BRPF1: variants seen among roughly 807,000 people sequenced by gnomAD.
BRPF1 encodes bromodomain and PHD finger containing 1.
In BRPF1, 15 loss-of-function variants were observed where a neutral mutation model predicts 115.0. The observed-to-expected ratio is 0.13, with a 90% confidence interval of 0.09 to 0.20. The LOEUF is 0.20. BRPF1 is among the 10% of genes least tolerant of loss of function. The pLI, the probability that BRPF1 is intolerant of heterozygous loss-of-function variation, is 1.00. For synonymous variants in BRPF1, 647 were observed against 619.8 expected (o/e 1.04, Z -0.65); for missense variants, 1,118 against 1,638.3 (o/e 0.68, Z 5.48).
In BRPF1 at chr3:9,745,707, G is replaced by A. The variant is rs752382054; in HGVS notation, c.3203G>A (p.Ser1068Asn). 6.2e-7 allele frequency: 1 copy of A among 1,614,046 alleles called. No homozygotes were observed. The highest frequency in any genetic ancestry group is 8.5e-7 in the Non-Finnish European group (1 of 1,179,860). The change falls in exon 11 of 14, where the codon AGC (serine) becomes AAC (asparagine). Residue 1068 changes from serine to asparagine, a missense_variant and splice_region_variant. Physicochemically the swap from Ser to Asn is conservative, Grantham distance 46 (BLOSUM62 1). Coordinates refer to ENST00000383829, the MANE Select transcript of BRPF1 (RefSeq NM_001003694.2). The surrounding 1 kb of genome is among the most constrained non-coding windows in gnomAD (Gnocchi z 5.1). ...SVGTGRGVGH[S>N]MVRKSLGRGA... ...GGCACTGGCCGCGGCGTGGGCCACA[G>A]CAGTAAGTTCCCTTGCCCAAGGCCA...
Position 9,741,289 on chromosome 3 carries a change from C to A in BRPF1, c.1723-19C>A. The A allele has an allele frequency of 6.5e-7, 1 of 1,547,168 alleles. No homozygotes were observed. On this transcript the variant is annotated intron_variant, in intron 4 of 13. Coordinates refer to ENST00000383829, the MANE Select transcript of BRPF1 (RefSeq NM_001003694.2). ...TCTGGCTTTCTAATCATCCTCTGAT[C>A]TTCGTTTTGCCTCTACAGAGAGATT...
rs1270239730 is a variant in BRPF1 at position 9,743,537 on chromosome 3, CT to C, written c.2312-40del. 4 of 1,580,076 alleles carry C rather than the reference CT, an allele frequency of 2.5e-6. No homozygotes were observed. Among genetic ancestry groups the C allele is most frequent in the Non-Finnish European group, 3.4e-6 (4 of 1,160,846 alleles). ...GCCCAGGTTCAAGGGGCCCTGAGGG[CT>C]GCCCTGAGTCTGACCTTTCCCCTCC... On this transcript the variant is annotated intron_variant, in intron 7 of 13. Transcript: ENST00000383829. The surrounding 1 kb of genome is among the most constrained non-coding windows in gnomAD (Gnocchi z 6.1).
rs2077078252 is a variant in BRPF1 at position 9,744,000 on chromosome 3, A to G, written c.2635+99A>G. The stretch of plus-strand genomic sequence containing the variant: ...CATTCCCCAGGCAGAGGTCCCTCCT[A>G]CACAGCTAGCTGTACTTTCTCCCTC... On this transcript the variant is annotated intron_variant, in intron 8 of 13. Coordinates refer to ENST00000383829, the MANE Select transcript of BRPF1 (RefSeq NM_001003694.2). This position sits in a 1 kb window ranked among gnomAD's most constrained non-coding sequence, Gnocchi z 6.1. 2.1e-6 allele frequency: 3 copies of G among 1,399,500 alleles called. No individual in the cohort carries two copies. 86.7% of individuals were successfully genotyped at this position (1,399,500 alleles called of 1,614,324 possible).
At chr3:9,735,056 T>A (rs2076917870) in intron 2 of BRPF1, among the ~76,000 whole-genome samples, 1 of 142,254 alleles carries the variant, frequency 7.0e-6, no homozygotes, top group Non-Finnish European at 1.5e-5. Flanking sequence ...AGGGCCTGGC[T>A]CTGTCACCCT....
chr3:9,746,246 A>G, intron 12 of BRPF1, 54 bp from the exon 13 acceptor site: 7 of 1,491,656 alleles, frequency 4.7e-6, no homozygotes, highest in Non-Finnish European at 6.3e-6. Context: ...TTGAGGAGGA[A>G]AAGCCTTGGG....
In BRPF1 at chr3:9,743,928, CCAAAGCAAGT is replaced by C. The variant is rs768462072; in HGVS notation, c.2635+30_2635+39del. ...TCTGAATCCCATGGCAAGGTGGACC[CCAAAGCAAGT>C]CAGACTTTGGCTCTGCAGCACACAC... On this transcript the variant is annotated intron_variant, in intron 8 of 13. Transcript: ENST00000383829. This position sits in a 1 kb window ranked among gnomAD's most constrained non-coding sequence, Gnocchi z 6.1. The C allele has an allele frequency of 1.9e-6, 3 of 1,540,188 alleles. No individual in the cohort carries two copies. The highest frequency in any genetic ancestry group is 2.6e-6 in the Non-Finnish European group (3 of 1,140,250).
At position 9,745,524 on chromosome 3, in the gene BRPF1, C is replaced by G; in HGVS notation, c.3069-49C>G. 6 of 1,595,374 alleles carry G rather than the reference C, an allele frequency of 3.8e-6. No individual in the cohort carries two copies. In the South Asian group the frequency reaches 4.4e-5, roughly 12 times the overall value. On this transcript the variant is annotated intron_variant, in intron 10 of 13. Transcript: ENST00000383829. This position sits in a 1 kb window ranked among gnomAD's most constrained non-coding sequence, Gnocchi z 5.1. ...AGCTGAGGGCACATACCATGCTGTTCCCCATTCTTCCCCTCCTTTGAGCTG... is the reference window on the plus strand; with the variant it reads ...AGCTGAGGGCACATACCATGCTGTTGCCCATTCTTCCCCTCCTTTGAGCTG...
Position 9,742,926 on chromosome 3 carries a change from C to A in BRPF1, c.2002-18C>A. On this transcript the variant is annotated intron_variant, in intron 6 of 13. Transcript: ENST00000383829. The stretch of plus-strand genomic sequence containing the variant: ...GGAGGATATCTCCACTTAAAACAAA[C>A]CTGCCCTGCCCTTCCAGGTACCTGA... 2.5e-6 allele frequency: 4 copies of A among 1,605,980 alleles called. No homozygotes were observed. Among genetic ancestry groups the A allele is most frequent in the Non-Finnish European group, 3.4e-6 (4 of 1,174,308 alleles).
rs1014579650 is a variant in BRPF1, at chr3:9,747,432, C to G, written c.*83C>G. 2.0e-6 allele frequency: 3 copies of G among 1,511,792 alleles called. No individual in the cohort carries two copies. The highest frequency in any genetic ancestry group is 2.8e-5 in the African/African-American group (2 of 72,656). 93.6% of individuals were successfully genotyped at this position (1,511,792 alleles called of 1,614,324 possible). A position where few individuals can be genotyped will look rare whatever the true frequency, so the allele number is the denominator to read the frequency against. ...CACTGTCCTGGAGTGGCACCGGCCT[C>G]TGCACTGACTCATTTCTGGTCTTGG... On this transcript the variant is annotated 3_prime_UTR_variant, in exon 14 of 14. Coordinates refer to ENST00000383829, the MANE Select transcript of BRPF1 (RefSeq NM_001003694.2). This position sits in a 1 kb window ranked among gnomAD's most constrained non-coding sequence, Gnocchi z 5.6.
At position 9,743,734 on chromosome 3, in the gene BRPF1, C is replaced by T. The variant is rs369424590; in HGVS notation, c.2468C>T (p.Thr823Met). 54 of 1,614,140 alleles carry T rather than the reference C, an allele frequency of 3.3e-5. No homozygotes were observed. The East Asian group carries it at 4.7e-4, about 14-fold the overall frequency. ...RRAKMIKKEMTALRRKLAHQR... is the reference protein window; with the variant it reads ...RRAKMIKKEMMALRRKLAHQR... ...GCAAAGATGATCAAGAAAGAGATGACGGCACTGCGGCGGAAGCTTGCCCAT... is the reference window on the plus strand; with the variant it reads ...GCAAAGATGATCAAGAAAGAGATGATGGCACTGCGGCGGAAGCTTGCCCAT... The change falls in exon 8 of 14, where the codon ACG becomes ATG. Residue 823 changes from threonine (T) to methionine (M), a missense_variant. Physicochemically the swap from Thr to Met is moderately conservative, Grantham distance 81. Coordinates refer to ENST00000383829, the MANE Select transcript of BRPF1 (RefSeq NM_001003694.2). This position sits in a 1 kb window ranked among gnomAD's most constrained non-coding sequence, Gnocchi z 6.1.
At chr3:9,740,261 T>C (rs2077007288) in intron 3 of BRPF1, among the ~76,000 whole-genome samples, 1 of 152,004 alleles carries the variant, frequency 6.6e-6, no homozygotes, top group Non-Finnish European at 1.5e-5. Flanking sequence ...CTGGCAGCAA[T>C]GGAAAAAATG....
In BRPF1 at chr3:9,743,691, G is replaced by A; in HGVS notation, c.2425G>A (p.Val809Met). The A allele has an allele frequency of 3.7e-6, 6 of 1,614,202 alleles. No homozygotes were observed. The highest frequency in any genetic ancestry group is 5.1e-6 in the Non-Finnish European group (6 of 1,180,036). Residue 809 changes from valine to methionine, a missense_variant, in exon 8 of 14, where the codon GTG (valine) becomes ATG (methionine). Val to Met is a conservative substitution (Grantham distance 21). Around this residue, in one of 10 missense-constraint regions of BRPF1, gnomAD observed 223 missense variants for 240.7 expected, o/e 0.93. Transcript: ENST00000383829. This position sits in a 1 kb window ranked among gnomAD's most constrained non-coding sequence, Gnocchi z 6.1. ...CGAAGTGAATGCCAGCAAGCAGAGTGTGGGCCGCTCACGGCGTGCAAAGAT... is the reference window on the plus strand; with the variant it reads ...CGAAGTGAATGCCAGCAAGCAGAGTATGGGCCGCTCACGGCGTGCAAAGAT... ...LDEVNASKQS[V>M]GRSRRAKMIK...
chr3:9,739,263 T>C lies in BRPF1; in HGVS notation c.864T>C (p.Asn288=). Residue 288 remains asparagine, a synonymous_variant, in exon 3 of 14, where the codon AAT becomes AAC. Transcript: ENST00000383829. The part of the protein sequence containing the change: ...ICNDGECQNS[N]VILFCDMCNL... ...ATGATGGTGAGTGCCAGAACAGCAATGTCATCCTCTTCTGTGACATGTGCA... is the reference window on the plus strand; with the variant it reads ...ATGATGGTGAGTGCCAGAACAGCAACGTCATCCTCTTCTGTGACATGTGCA... 3 of 1,612,806 alleles carry C rather than the reference T, an allele frequency of 1.9e-6. No homozygotes were observed. Among genetic ancestry groups the C allele is most frequent in the Middle Eastern group, 1.7e-4 (1 of 6,058 alleles).
In BRPF1 at chr3:9,739,782, C is replaced by T. The variant is rs551163153; in HGVS notation, c.1383C>T (p.His461=). 4 of 1,613,864 alleles carry T rather than the reference C, an allele frequency of 2.5e-6. No individual in the cohort carries two copies. In the African/African-American group the frequency reaches 5.3e-5, roughly 22 times the overall value. ...GSARRLPALS[H]SEGEEDEDEE... ...CACGCCGACTGCCTGCCCTGTCCCA[C>T]AGCGAGGGTGAGGAGGATGAAGATG... Residue 461 remains histidine (H), a synonymous_variant, in exon 3 of 14, where the codon CAC becomes CAT. Coordinates refer to ENST00000383829, the MANE Select transcript of BRPF1 (RefSeq NM_001003694.2).
At position 9,742,066 on chromosome 3, in the gene BRPF1, T is replaced by A; in HGVS notation, c.1896T>A (p.Pro632=). 1 of 1,614,206 alleles carries A rather than the reference T, an allele frequency of 6.2e-7. No individual in the cohort carries two copies. Among genetic ancestry groups the A allele is most frequent in the Non-Finnish European group, 8.5e-7 (1 of 1,180,034 alleles). Residue 632 remains proline (P), a synonymous_variant, in exon 6 of 14, where the codon CCT becomes CCA. Transcript: ENST00000383829. ...QQIAMEMQLT[P]FLILLRKTLE... ...TTGCCATGGAGATGCAGCTGACTCCTTTCCTCATCCTCCTTCGCAAAACCT... is the reference window on the plus strand; with the variant it reads ...TTGCCATGGAGATGCAGCTGACTCCATTCCTCATCCTCCTTCGCAAAACCT...
At chr3:9,733,291 C>T (rs554011731) in intron 1 of BRPF1, 62 of 152,322 alleles carry the variant, frequency 4.1e-4, no homozygotes, top group African/African-American at 1.5e-3. Flanking sequence ...AGCCACCCAC[C>T]CATTCAGCTT....
In BRPF1 at chr3:9,734,466, G is replaced by C; in HGVS notation, c.326G>C (p.Arg109Pro). ...VEVDLHGRVHRISIFDNLDVV... is the reference protein window; with the variant it reads ...VEVDLHGRVHPISIFDNLDVV... ...GTGGACTTGCATGGCCGCGTCCACC[G>C]CATCAGCATCTTTGACAACCTGGAT... Residue 109 changes from arginine (R) to proline (P), a missense_variant, in exon 2 of 14, where the codon CGC becomes CCC. Arg to Pro is a moderately radical substitution (Grantham distance 103, BLOSUM62 -2). This residue lies in a region of BRPF1 where 280 missense variants were observed against 382.8 expected (regional missense o/e 0.73). Coordinates refer to ENST00000383829, the MANE Select transcript of BRPF1 (RefSeq NM_001003694.2). This position sits in a 1 kb window ranked among gnomAD's most constrained non-coding sequence, Gnocchi z 5.7. 1 of 1,614,140 alleles carries C rather than the reference G, an allele frequency of 6.2e-7. No individual in the cohort carries two copies. The highest frequency in any genetic ancestry group is 1.7e-5 in the Admixed American group (1 of 60,008).
intron 2 of BRPF1, among the ~76,000 whole-genome samples, chr3:9,735,370 C>G (rs1241051180): frequency 6.6e-6 from 1 of 152,118 alleles, no homozygotes; most frequent in Non-Finnish European, 1.5e-5. Context: ...AACTCAGGTC[C>G]CTCTGACTCC....
rs369517700 is a variant in BRPF1 at position 9,743,946 on chromosome 3, T to C, written c.2635+45T>C. ...GTGGACCCCAAAGCAAGTCAGACTT[T>C]GGCTCTGCAGCACACACTCAACCCC... On this transcript the variant is annotated intron_variant, in intron 8 of 13. Coordinates refer to ENST00000383829, the MANE Select transcript of BRPF1 (RefSeq NM_001003694.2). This position sits in a 1 kb window ranked among gnomAD's most constrained non-coding sequence, Gnocchi z 6.1. 114 of 1,529,678 alleles carry C rather than the reference T, an allele frequency of 7.5e-5. No individual in the cohort carries two copies. The highest frequency in any genetic ancestry group is 9.9e-5 in the Non-Finnish European group (112 of 1,135,862). The allele number at this position is 1,529,678 out of a possible 1,614,324, so 94.8% of individuals were successfully genotyped here.
Sources: allele counts gnomAD v4.1 joint callset (sites outside exome capture counted in the v4.1 genomes callset), GRCh38; gene constraint gnomAD v4.1.1; regional missense constraint gnomAD v4.1.1; non-coding constraint Gnocchi (gnomAD v3.1); transcripts MANE v1.5; gene names NCBI Gene and HGNC (gene_info 2026-07-23, HGNC 2026-07-21).